Variants in PTPRC observed in about 807,000 individuals in gnomAD.
The protein encoded by PTPRC is protein tyrosine phosphatase receptor type C.
In PTPRC, 44 loss-of-function variants were observed where a neutral mutation model predicts 155.9. The ratio of observed to expected loss-of-function variants is 0.28; its 90% CI spans 0.22 to 0.36. PTPRC has a LOEUF of 0.36. Among genes scored for constraint, PTPRC ranks in the 10% least tolerant of loss-of-function variants. The pLI is 1.00. For missense variants in PTPRC, 1,401 were observed against 1,564.6 expected (o/e 0.90, Z 1.76); for synonymous variants, 525 against 533.1 (o/e 0.98, Z 0.21).
intron 2 of PTPRC, among the ~76,000 whole-genome samples, chr1:198,646,484 G>T (rs1382328557): frequency 6.6e-6 from 1 of 151,402 alleles, no homozygotes; most frequent in Non-Finnish European, 1.5e-5. Context: ...TTTTTAATTG[G>T]TTTTGTGTCT....
Position 198,735,167 on chromosome 1 carries a change from C to T in PTPRC, c.2318C>T (p.Thr773Ile). 2 of 1,603,810 alleles carry T rather than the reference C, an allele frequency of 1.2e-6. No individual in the cohort carries two copies. Among genetic ancestry groups the T allele is most frequent in the Non-Finnish European group, 1.7e-6 (2 of 1,173,784 alleles). ...AEYWPSMEEGTRAFGDVVVKI... is the reference protein window; with the variant it reads ...AEYWPSMEEGIRAFGDVVVKI... ...TACTGGCCGTCAATGGAAGAGGGCA[C>T]TCGGGCTTTTGGAGATGTTGTTGTA... The change falls in exon 23 of 33, where the codon ACT (threonine) becomes ATT (isoleucine). Residue 773 changes from threonine to isoleucine, a missense_variant. By Grantham distance (89) the Thr-to-Ile change is moderately conservative (BLOSUM62 -1). Transcript: ENST00000442510.
At chr1:198,643,267 G>C (rs1449907393) in intron 2 of PTPRC, among the ~76,000 whole-genome samples, 1 of 151,728 alleles carries the variant, frequency 6.6e-6, no homozygotes, top group East Asian at 1.9e-4. Flanking sequence ...ATGAAATCAG[G>C]TATAGGAGAC....
chr1:198,751,227 G>C (rs1037477499), intron 29 of PTPRC, among the ~76,000 whole-genome samples: 1 of 151,806 alleles, frequency 6.6e-6, no homozygotes, highest in African/African-American at 2.4e-5. Context: ...AATATTTATT[G>C]CCATAAAAGT....
chr1:198,684,181 A>G (rs12065578), intron 2 of PTPRC, among the ~76,000 whole-genome samples: 2,501 of 151,288 alleles, frequency 0.017, 67 homozygotes, highest in African/African-American at 0.058. Context: ...TTGTTCTTAA[A>G]TGGTTATCTA....
chr1:198,688,078 GGTGT>G (rs139116095), intron 2 of PTPRC, among the ~76,000 whole-genome samples: 22 of 148,542 alleles, frequency 1.5e-4, no homozygotes, highest in Non-Finnish European at 1.4e-4. Context: ...TGGTGTGTGG[GGTGT>G]GTGTGTGTGT....
intron 2 of PTPRC, among the ~76,000 whole-genome samples, chr1:198,673,145 C>T (rs565965686): frequency 1.3e-5 from 2 of 152,096 alleles, no homozygotes; most frequent in South Asian, 2.1e-4. Flanking sequence ...CTAACTCAAA[C>T]ATATCCCTCT....
intron 2 of PTPRC, among the ~76,000 whole-genome samples, chr1:198,652,491 T>C (rs1663306708): frequency 6.6e-6 from 1 of 151,470 alleles, no homozygotes; most frequent in South Asian, 2.1e-4. Flanking sequence ...ACCTATCCAA[T>C]AAAAGATAAT....
intron 2 of PTPRC, among the ~76,000 whole-genome samples, chr1:198,690,572 A>T (rs1665872747): frequency 6.6e-6 from 1 of 152,094 alleles, no homozygotes; most frequent in African/African-American, 2.4e-5. Flanking sequence ...AAATATATAT[A>T]TCAAAAATGC....
intron 17 of PTPRC, among the ~76,000 whole-genome samples, chr1:198,730,768 C>G (rs549703906): frequency 6.6e-6 from 1 of 152,196 alleles, no homozygotes; most frequent in South Asian, 2.1e-4. Flanking sequence ...TCCCAACAAC[C>G]TAAAGAAACA....
At chr1:198,721,556 T>A (rs963082057) in intron 14 of PTPRC, among the ~76,000 whole-genome samples, 7 of 151,986 alleles carry the variant, frequency 4.6e-5, no homozygotes, top group Middle Eastern at 3.2e-3. Flanking sequence ...TTTGGAAGAG[T>A]TTTTAATATA....
At position 198,704,535 on chromosome 1, in the gene PTPRC, T is replaced by G. The variant is rs192981665; in HGVS notation, c.685+37T>G. Reference sequence around the variant, plus strand: ...TACTTAGAATCAGCATACCTCACTTTGGAATAGCACTTTAATTACATCTTT... The same window carrying G: ...TACTTAGAATCAGCATACCTCACTTGGGAATAGCACTTTAATTACATCTTT... On this transcript the variant is annotated intron_variant, in intron 8 of 32. Coordinates refer to ENST00000442510, the MANE Select transcript of PTPRC (RefSeq NM_002838.5). The G allele has an allele frequency of 4.3e-6, 7 of 1,613,950 alleles. No individual in the cohort carries two copies. In the East Asian group the frequency reaches 1.6e-4, roughly 36 times the overall value.
In PTPRC at chr1:198,756,213, C is replaced by T. The variant is rs1198780525; in HGVS notation, c.*32C>T. On this transcript the variant is annotated 3_prime_UTR_variant, in exon 33 of 33. Coordinates refer to ENST00000442510, the MANE Select transcript of PTPRC (RefSeq NM_002838.5). ...ACATAAATGAGGAAACTCCAAACCT[C>T]CTGTTAGCTGTTATTTCTATTTTTG... 4 of 1,611,214 alleles carry T rather than the reference C, an allele frequency of 2.5e-6. No homozygotes were observed. The highest frequency in any genetic ancestry group is 3.4e-6 in the Non-Finnish European group (4 of 1,178,402).
At chr1:198,725,401 C>T (rs2102465806) in intron 15 of PTPRC, among the ~76,000 whole-genome samples, 2 of 152,236 alleles carry the variant, frequency 1.3e-5, no homozygotes, top group Middle Eastern at 6.8e-3. Context: ...TATGATATTG[C>T]TGATTTATTT....
At chr1:198,656,376 T>G (rs1220264256) in intron 2 of PTPRC, among the ~76,000 whole-genome samples, 1 of 152,096 alleles carries the variant, frequency 6.6e-6, no homozygotes, top group Non-Finnish European at 1.5e-5. Flanking sequence ...GTGAAAAGGG[T>G]CATAGGTATA....
intron 26 of PTPRC, among the ~76,000 whole-genome samples, chr1:198,746,377 G>A (rs146328651): frequency 2.0e-5 from 3 of 151,848 alleles, no homozygotes; most frequent in Non-Finnish European, 4.4e-5. Flanking sequence ...GAGGTAAATG[G>A]GGTGTGAGGA....
chr1:198,717,285 G>A (rs1355072048), intron 13 of PTPRC, among the ~76,000 whole-genome samples: 3 of 151,948 alleles, frequency 2.0e-5, no homozygotes, highest in Admixed American at 6.6e-5. Context: ...TCTTCTCTTC[G>A]TTACCCTCAA....
intron 2 of PTPRC, among the ~76,000 whole-genome samples, chr1:198,641,624 AC>A (rs1256342546): frequency 2.6e-5 from 4 of 152,028 alleles, no homozygotes; most frequent in Non-Finnish European, 5.9e-5. Flanking sequence ...TGCCATGGCA[AC>A]TGGAAGCCAA....
At chr1:198,664,459 CT>C (rs1664160003) in intron 2 of PTPRC, among the ~76,000 whole-genome samples, 1 of 152,142 alleles carries the variant, frequency 6.6e-6, no homozygotes, top group South Asian at 2.1e-4. Context: ...TTGTAGCAAT[CT>C]TATTGTGCCC....
Position 198,748,195 on chromosome 1 carries a change from C to G in PTPRC, c.2934C>G (p.Ile978Met), listed in dbSNP as rs1443134472. 7 of 1,602,088 alleles carry G rather than the reference C, an allele frequency of 4.4e-6. No homozygotes were observed. The highest frequency in any genetic ancestry group is 6.0e-6 in the Non-Finnish European group (7 of 1,174,416). The stretch of plus-strand genomic sequence containing the variant: ...GTAAAAACAGGAATTCTAATGTCAT[C>G]CCATGTATGTAGTTTATTTTTTTAT... Reference protein sequence around the residue: ...NKSKNRNSNVIPYDYNRVPLK... With the variant: ...NKSKNRNSNVMPYDYNRVPLK... Residue 978 changes from isoleucine (I) to methionine (M), a missense_variant, in exon 27 of 33, where the codon ATC becomes ATG. By Grantham distance (10) the Ile-to-Met change is conservative (BLOSUM62 1). Around this residue, in one of 3 missense-constraint regions of PTPRC, gnomAD observed 400 missense variants for 389.5 expected, o/e 1.03. Coordinates refer to ENST00000442510, the MANE Select transcript of PTPRC (RefSeq NM_002838.5).
Sources: allele counts gnomAD v4.1 joint callset (sites outside exome capture counted in the v4.1 genomes callset), GRCh38; gene constraint gnomAD v4.1.1; regional missense constraint gnomAD v4.1.1; transcripts MANE v1.5; gene names NCBI Gene and HGNC (gene_info 2026-07-23, HGNC 2026-07-21).